The following SGCE variants were observed in gnomAD, a reference collection of about 807,000 sequenced individuals.
SGCE encodes epsilon-sarcoglycan.
A neutral mutation model predicts 57.8 loss-of-function variants in SGCE; 26 were observed. The ratio of observed to expected loss-of-function variants is 0.45; its 90% CI spans 0.33 to 0.62. The LOEUF is 0.62. Ranked by LOEUF, SGCE falls within the 20% of genes least tolerant of loss-of-function variation. The pLI is 0.02. For missense variants in SGCE, 468 were observed against 548.6 expected, an observed-to-expected ratio of 0.85 and a Z score of 1.47; for synonymous variants, 183 against 189.5, an observed-to-expected ratio of 0.97 and a Z score of 0.28.
chr7:94,609,480 C>T (rs1216525836), intron 5 of SGCE, among the ~76,000 whole-genome samples: 1 of 152,134 alleles, frequency 6.6e-6, no homozygotes, highest in African/African-American at 2.4e-5. Flanking sequence ...TGCAGTGAGC[C>T]AAGATTGCAC....
intron 5 of SGCE, among the ~76,000 whole-genome samples, chr7:94,614,914 T>G (rs1227407304): frequency 6.6e-6 from 1 of 152,186 alleles, no homozygotes; most frequent in Non-Finnish European, 1.5e-5. Flanking sequence ...ATTAAACATA[T>G]AGTTGCATTG....
chr7:94,639,336 C>T (rs1257060595), intron 1 of SGCE: 14 of 1,510,352 alleles, frequency 9.3e-6, no homozygotes, highest in Non-Finnish European at 1.2e-5. Context: ...ACAACCTAAA[C>T]TCACCATCTT....
intron 1 of SGCE, among the ~76,000 whole-genome samples, chr7:94,647,017 CA>C (rs778769312): frequency 1.1e-4 from 16 of 152,214 alleles, no homozygotes; most frequent in Non-Finnish European, 1.9e-4. Flanking sequence ...TGTGTACACA[CA>C]AAAACACATA....
At position 94,603,347 on chromosome 7, in the gene SGCE, T is replaced by A. The variant is rs1799569221; in HGVS notation, c.768A>T (p.Ile256=). The change falls in exon 6 of 11, where the codon ATA becomes ATT. Residue 256 remains isoleucine, a synonymous_variant. Coordinates refer to ENST00000648936, the MANE Select transcript of SGCE (RefSeq NM_003919.3). ...LRCSQEMEPV[I]TCDKKFRTQF... is the part of the protein sequence containing the mutation. The stretch of plus-strand genomic sequence containing the variant: ...GAGTACGAAATTTTTTATCACATGT[T>A]ATTACAGGCTCCATTTCTTGACTAC... The A allele has an allele frequency of 1.2e-6, 2 of 1,612,612 alleles. No homozygotes were observed. The highest frequency in any genetic ancestry group is 1.3e-5 in the African/African-American group (1 of 74,884).
At chr7:94,588,266 T>C (rs1229718194) in intron 10 of SGCE, 1 of 1,043,720 alleles carries the variant, frequency 9.6e-7, no homozygotes, top group Non-Finnish European at 1.2e-6. Flanking sequence ...CATTTCTCAT[T>C]TATCCCCCTG....
chr7:94,588,873 G>T, intron 9 of SGCE, 141 bp from the exon 10 acceptor site: 1 of 850,492 alleles, frequency 1.2e-6, no homozygotes, highest in Non-Finnish European at 1.9e-6. Flanking sequence ...CCCCTTTCAT[G>T]AGCTTACAGA....
rs200956601 is a variant in SGCE at position 94,600,938 on chromosome 7, AT to A, written c.826-82del. 2.7e-3 allele frequency: 3,130 copies of A among 1,143,618 alleles called. 44 individuals carry two copies. In the East Asian group the frequency reaches 0.045, roughly 17 times the overall value. 70.8% of individuals were successfully genotyped at this position (1,143,618 alleles called of 1,614,324 possible). A position where few individuals can be genotyped will look rare whatever the true frequency, so the allele number is the denominator to read the frequency against. ...TTTTAAGATCTGGATACACTAAAGC[AT>A]TCTTTGACAAATTATCTAAAAAGCC... On this transcript the variant is annotated intron_variant, in intron 6 of 10. Transcript: ENST00000648936.
chr7:94,628,386 A>G (rs369289353), intron 2 of SGCE, 27 bp from the exon 3 acceptor site: 68 of 1,563,530 alleles, frequency 4.3e-5, no homozygotes, highest in Non-Finnish European at 5.8e-5. Context: ...GAATTAAGAC[A>G]TAAGACAGTT....
rs1798815467 is a variant in SGCE at position 94,598,948 on chromosome 7, A to G, written c.1080T>C (p.His360=). ...NMQTPDIQLV[H]HSAIQKSTKE... is the part of the protein sequence containing the mutation. ...TGGTAGATTTCTGAATAGCACTGTG[A>G]TGGACCAGTTGGATGCTAGGTCAAA... Residue 360 remains histidine, a synonymous_variant, in exon 9 of 11, where the codon CAT becomes CAC. Coordinates refer to ENST00000648936, the MANE Select transcript of SGCE (RefSeq NM_003919.3). The G allele has an allele frequency of 6.2e-7, 1 of 1,613,694 alleles. No individual in the cohort carries two copies.
At chr7:94,626,574 T>A (rs1803748226) in intron 3 of SGCE, 2 of 152,056 alleles carry the variant, frequency 1.3e-5, no homozygotes, top group South Asian at 4.1e-4. Flanking sequence ...TTTATAATGA[T>A]CTCACAGTTC....
intron 3 of SGCE, chr7:94,626,502 G>T (rs1431661919): frequency 1.3e-5 from 2 of 151,812 alleles, no homozygotes; most frequent in Non-Finnish European, 2.9e-5. Context: ...ATTAACAATG[G>T]TATTTTTAAA....
At chr7:94,643,378 G>T (rs1806658567) in intron 1 of SGCE, among the ~76,000 whole-genome samples, 1 of 152,096 alleles carries the variant, frequency 6.6e-6, no homozygotes. Flanking sequence ...AAATTGAATT[G>T]GTGTCTCAAT....
intron 9 of SGCE, among the ~76,000 whole-genome samples, chr7:94,593,922 G>A (rs1798034962): frequency 6.6e-6 from 1 of 152,000 alleles, no homozygotes. Flanking sequence ...TCTTTGTTGA[G>A]AAGCTCTCTG....
chr7:94,615,827 A>G (rs1461550405), intron 5 of SGCE, among the ~76,000 whole-genome samples: 3 of 152,190 alleles, frequency 2.0e-5, no homozygotes, highest in Admixed American at 2.0e-4. Flanking sequence ...CTGGAATGAA[A>G]TATGAACCTG....
intron 5 of SGCE, among the ~76,000 whole-genome samples, chr7:94,606,655 A>G (rs1297953165): frequency 6.6e-6 from 1 of 152,200 alleles, no homozygotes; most frequent in Non-Finnish European, 1.5e-5. Flanking sequence ...AGACTACTTC[A>G]TCCAAAAATA....
intron 1 of SGCE, among the ~76,000 whole-genome samples, chr7:94,646,211 A>G (rs1041291866): frequency 6.6e-6 from 1 of 152,250 alleles, no homozygotes; most frequent in Admixed American, 6.5e-5. Context: ...TCTGACTCTC[A>G]TAAGCTTTTA....
intron 1 of SGCE, among the ~76,000 whole-genome samples, chr7:94,640,656 T>TTGTTTC (rs917319074): frequency 1.3e-5 from 2 of 152,160 alleles, no homozygotes; most frequent in African/African-American, 4.8e-5. Flanking sequence ...TTTTTTGTTT[T>TTGTTTC]TGTTTTTTTG....
intron 5 of SGCE, among the ~76,000 whole-genome samples, chr7:94,607,104 A>C (rs546266498): frequency 7.2e-5 from 11 of 152,270 alleles, no homozygotes; most frequent in African/African-American, 2.6e-4. Flanking sequence ...AGAAAAAAAA[A>C]ATCAGATAAT....
At position 94,603,412 on chromosome 7, in the gene SGCE, A is replaced by T; in HGVS notation, c.703T>A (p.Cys235Ser). 6.2e-7 allele frequency: 1 copy of T among 1,613,294 alleles called. No individual in the cohort carries two copies. Among genetic ancestry groups the T allele is most frequent in the Non-Finnish European group, 8.5e-7 (1 of 1,179,388 alleles). Reference sequence around the variant, plus strand: ...TGTGGATTTTCAACTTCTCGTAAACAAGAAGAAAACGGGACATCTGCACCA... The same window carrying T: ...TGTGGATTTTCAACTTCTCGTAAACTAGAAGAAAACGGGACATCTGCACCA... ...MVGADVPFSS[C>S]LREVENPQNQ... Residue 235 changes from cysteine (C) to serine (S), a missense_variant, in exon 6 of 11, where the codon TGT (cysteine) becomes AGT (serine). Physicochemically the swap from Cys to Ser is moderately radical, Grantham distance 112. Transcript: ENST00000648936.
Sources: gnomAD v4.1 joint callset for allele counts (sites outside exome capture counted in the v4.1 genomes callset) on GRCh38, gnomAD v4.1.1 for gene constraint, MANE v1.5 for transcripts, NCBI Gene and HGNC (gene_info 2026-07-23, HGNC 2026-07-21) for gene names.